FAM81A: variants seen among roughly 807,000 people sequenced by gnomAD.
FAM81A encodes family with sequence similarity 81 member A, also known as protein FAM81A.
A neutral mutation model predicts 46.7 loss-of-function variants in FAM81A; 19 were observed. The ratio of observed to expected loss-of-function variants is 0.41; its 90% CI spans 0.28 to 0.60. The LOEUF is 0.60. FAM81A is among the 20% of genes least tolerant of loss of function. The pLI, the probability that FAM81A is intolerant of heterozygous loss-of-function variation, is 0.34. For missense variants in FAM81A, 377 were observed against 453.5 expected (o/e 0.83, Z 1.53); for synonymous variants, 183 against 152.9 (o/e 1.20, Z -1.45).
At chr15:59,502,995 C>T (rs577764907) in intron 4 of FAM81A, among the ~76,000 whole-genome samples, 52 of 152,074 alleles carry the variant, frequency 3.4e-4, no homozygotes, top group African/African-American at 1.2e-3. Context: ...GGTGGCAGCA[C>T]TTTGGGAGGC....
chr15:59,493,784 T>G (rs1467094611), intron 4 of FAM81A, among the ~76,000 whole-genome samples: 6 of 152,096 alleles, frequency 3.9e-5, no homozygotes, highest in African/African-American at 1.4e-4. Context: ...GATGAGGTTT[T>G]ACCATGTTGG....
upstream of FAM81A, among the ~76,000 whole-genome samples, chr15:59,435,123 C>T (rs1382563633): frequency 2.0e-5 from 3 of 152,182 alleles, no homozygotes; most frequent in East Asian, 1.9e-4. Flanking sequence ...CCCATCTCTA[C>T]TAAAAATACA....
chr15:59,484,631 G>A (rs190943273), intron 3 of FAM81A, among the ~76,000 whole-genome samples: 1 of 152,342 alleles, frequency 6.6e-6, no homozygotes, highest in East Asian at 1.9e-4. Flanking sequence ...AGCAAGTAGT[G>A]TGCCATGGGC....
chr15:59,401,128 G>GT, intron 1 of FAM81A: 1 of 694,616 alleles, frequency 1.4e-6, no homozygotes, highest in Non-Finnish European at 2.7e-6. Flanking sequence ...TTGCAGACAT[G>GT]TATGGCTGTT....
At position 59,455,065 on chromosome 15, in the gene FAM81A, C is replaced by CT. The variant is rs773072708; in HGVS notation, c.-77-3469dup. Reference sequence around the variant, plus strand: ...GGTGTGTGCCACCACACCTGGCTAACTTTTTTTTTTTTTTTTGTAGAGATG... The same window carrying CT: ...GGTGTGTGCCACCACACCTGGCTAACTTTTTTTTTTTTTTTTTGTAGAGATG... On this transcript the variant is annotated intron_variant, in intron 1 of 8. Coordinates refer to ENST00000288228, the MANE Select transcript of FAM81A (RefSeq NM_152450.3). Among the ~76,000 whole-genome samples, 280 of 134,552 alleles carry CT rather than the reference C, an allele frequency of 2.1e-3. 1 individual carries two copies. Among genetic ancestry groups the CT allele is most frequent in the East Asian group, 9.5e-3 (44 of 4,610 alleles). 88.3% of individuals were successfully genotyped at this position (134,552 alleles called of 152,430 possible).
intron 1 of FAM81A, among the ~76,000 whole-genome samples, chr15:59,440,599 CA>C (rs1309060912): frequency 6.6e-6 from 1 of 152,196 alleles, no homozygotes. Context: ...CTTCAACTAA[CA>C]TCTTGGACTT....
At chr15:59,472,127 G>A (rs1183575496) in intron 3 of FAM81A, among the ~76,000 whole-genome samples, 1 of 152,086 alleles carries the variant, frequency 6.6e-6, no homozygotes, top group African/African-American at 2.4e-5. Flanking sequence ...AAAGGGGGTT[G>A]GGGCCCATAA....
intron 2 of FAM81A, among the ~76,000 whole-genome samples, chr15:59,432,324 A>G (rs2081224038): frequency 6.6e-6 from 1 of 152,264 alleles, no homozygotes; most frequent in Admixed American, 6.5e-5. Flanking sequence ...GTGAAGGTGT[A>G]AGAAATCAGA....
intron 3 of FAM81A, among the ~76,000 whole-genome samples, chr15:59,477,030 G>C (rs1323862907): frequency 6.6e-6 from 1 of 151,336 alleles, no homozygotes; most frequent in Non-Finnish European, 1.5e-5. Flanking sequence ...TGAGGCAGGA[G>C]AATCACTTGA....
intron 4 of FAM81A, among the ~76,000 whole-genome samples, chr15:59,492,721 A>G (rs535433588): frequency 2.0e-5 from 3 of 152,222 alleles, no homozygotes; most frequent in Non-Finnish European, 2.9e-5. Flanking sequence ...CATTTTGGAA[A>G]TTTAATTTTT....
At chr15:59,487,053 G>C (rs144400515) in intron 3 of FAM81A, among the ~76,000 whole-genome samples, 1 of 151,478 alleles carries the variant, frequency 6.6e-6, no homozygotes, top group Non-Finnish European at 1.5e-5. Context: ...ATGAAAAGAT[G>C]AACCAATCAA....
Position 59,522,499 on chromosome 15 carries a change from T to C in FAM81A, c.*1121T>C, listed in dbSNP as rs919563103. ...GTATGGACAACAATTCAAATTGATA[T>C]TGCATTTATAGCACTGTAAGAAACT... On this transcript the variant is annotated 3_prime_UTR_variant, in exon 9 of 9. Transcript: ENST00000288228. 1 of 152,332 alleles carries C rather than the reference T, an allele frequency of 6.6e-6. No individual in the cohort carries two copies. Among genetic ancestry groups the C allele is most frequent in the African/African-American group, 2.4e-5 (1 of 41,450 alleles). The allele number at this position is 152,332 out of a possible 1,614,324, so 9.4% of individuals were successfully genotyped here.
chr15:59,516,432 A>C (rs1362186225), intron 7 of FAM81A, among the ~76,000 whole-genome samples: 2 of 152,180 alleles, frequency 1.3e-5, no homozygotes, highest in Non-Finnish European at 2.9e-5. Flanking sequence ...ACCCAGCCTG[A>C]AAATGTAGTC....
At chr15:59,508,747 T>C (rs972942026) in intron 5 of FAM81A, 116 bp from the exon 6 acceptor site, 1 of 665,256 alleles carries the variant, frequency 1.5e-6, no homozygotes, top group Non-Finnish European at 2.5e-6. Flanking sequence ...TAAATGAATT[T>C]ATCAAATTAG....
chr15:59,479,278 C>T (rs1468815676), intron 3 of FAM81A, among the ~76,000 whole-genome samples: 1 of 151,916 alleles, frequency 6.6e-6, no homozygotes, highest in East Asian at 1.9e-4. Context: ...TTTGGGAGGC[C>T]GAGGCGTGCA....
chr15:59,469,942 C>G (rs562381565), intron 3 of FAM81A, among the ~76,000 whole-genome samples: 2 of 152,220 alleles, frequency 1.3e-5, no homozygotes, highest in South Asian at 4.2e-4. Context: ...ATTTGCTTGT[C>G]TGTAAAGGAT....
intron 3 of FAM81A, among the ~76,000 whole-genome samples, chr15:59,467,663 A>G (rs1217885471): frequency 1.3e-5 from 2 of 152,208 alleles, no homozygotes; most frequent in Non-Finnish European, 2.9e-5. Context: ...AACAGGGACA[A>G]TTTGACTTCC....
At chr15:59,501,958 C>T (rs570057682) in intron 4 of FAM81A, among the ~76,000 whole-genome samples, 3 of 151,980 alleles carry the variant, frequency 2.0e-5, no homozygotes, top group South Asian at 4.2e-4. Flanking sequence ...TTTGATTTAA[C>T]GCTAGATGAA....
chr15:59,494,030 C>T (rs755017717), intron 4 of FAM81A, among the ~76,000 whole-genome samples: 1 of 152,176 alleles, frequency 6.6e-6, no homozygotes, highest in Non-Finnish European at 1.5e-5. Context: ...GTCTTCCTCA[C>T]TCTGCTACCT....
Sources: allele counts gnomAD v4.1 joint callset (sites outside exome capture counted in the v4.1 genomes callset), GRCh38; gene constraint gnomAD v4.1.1; transcripts MANE v1.5; gene names NCBI Gene and HGNC (gene_info 2026-07-23, HGNC 2026-07-21).